Variants in KCNJ6 observed in about 807,000 individuals in gnomAD.
The protein encoded by KCNJ6 is G protein-activated inward rectifier potassium channel 2.
A neutral mutation model predicts 34.2 loss-of-function variants in KCNJ6; 9 were observed. That is an observed-to-expected ratio of 0.26 (90% CI 0.16 to 0.46). The LOEUF (loss-of-function observed/expected upper bound fraction) is 0.46. Ranked by LOEUF, KCNJ6 falls within the 20% of genes least tolerant of loss-of-function variation. The pLI is 1.00. For missense variants in KCNJ6, 236 were observed against 531.3 expected, an observed-to-expected ratio of 0.44 and a Z score of 5.46; for synonymous variants, 196 against 207.1, an observed-to-expected ratio of 0.95 and a Z score of 0.46.
At chr21:37,905,797 G>T (rs1261392993) in intron 1 of KCNJ6, among the ~76,000 whole-genome samples, 2 of 152,186 alleles carry the variant, frequency 1.3e-5, no homozygotes, top group African/African-American at 4.8e-5. Flanking sequence ...TCTTCTTTAG[G>T]TAGTAGGTAC....
chr21:37,776,359 C>T (rs1297208148), intron 2 of KCNJ6, among the ~76,000 whole-genome samples: 1 of 152,198 alleles, frequency 6.6e-6, no homozygotes, highest in African/African-American at 2.4e-5. Flanking sequence ...TGCCTGATTT[C>T]CCTGGCCAGA....
At chr21:37,657,965 T>G (rs755583856) in intron 3 of KCNJ6, among the ~76,000 whole-genome samples, 2 of 152,232 alleles carry the variant, frequency 1.3e-5, no homozygotes, top group Non-Finnish European at 2.9e-5. Flanking sequence ...ACCCAGGTTT[T>G]CCTTGCCTTG....
chr21:37,691,370 G>T (rs2054639007), intron 3 of KCNJ6, among the ~76,000 whole-genome samples: 1 of 152,158 alleles, frequency 6.6e-6, no homozygotes, highest in African/African-American at 2.4e-5. Context: ...GGGCTGTGAT[G>T]CTCCCAAATC....
chr21:37,808,113 T>G (rs1319760928), intron 2 of KCNJ6, among the ~76,000 whole-genome samples: 2 of 152,132 alleles, frequency 1.3e-5, no homozygotes, highest in African/African-American at 4.8e-5. Flanking sequence ...ATTAATTGCT[T>G]AAATTATTCT....
At chr21:37,913,798 A>C (rs1313379640) in intron 1 of KCNJ6, among the ~76,000 whole-genome samples, 1 of 152,184 alleles carries the variant, frequency 6.6e-6, no homozygotes, top group Non-Finnish European at 1.5e-5. Flanking sequence ...AGCCTGGGTG[A>C]CACAGCGAGA....
chr21:37,786,425 C>A (rs1210433913), intron 2 of KCNJ6, among the ~76,000 whole-genome samples: 1 of 152,152 alleles, frequency 6.6e-6, no homozygotes. Context: ...TTGGATATGC[C>A]ACCTACAAAT....
rs1267155249 is a variant in KCNJ6, at chr21:37,731,100, AGTGTGTGTG to A, written c.26-15978_26-15970del. 5.9e-5 allele frequency among the ~76,000 whole-genome samples: 8 copies of A among 134,784 alleles called. No individual in the cohort carries two copies. In the East Asian group the frequency reaches 1.3e-3, roughly 22 times the overall value. 88.4% of individuals were successfully genotyped at this position (134,784 alleles called of 152,430 possible). A position where few individuals can be genotyped will look rare whatever the true frequency, so the allele number is the denominator to read the frequency against. On this transcript the variant is annotated intron_variant, in intron 2 of 3. Transcript: ENST00000609713. ...TCTGCCATTGCAGATAGATGAGAGA[AGTGTGTGTG>A]TGTGTGTGTGTGTGTGTGTTTGTGT...
intron 1 of KCNJ6, among the ~76,000 whole-genome samples, chr21:37,882,066 G>C (rs2055711505): frequency 6.6e-6 from 1 of 152,194 alleles, no homozygotes; most frequent in Admixed American, 6.5e-5. Flanking sequence ...CCTTAAGGTT[G>C]TTACAAGTGG....
At chr21:37,647,056 G>GCCT (rs2054408619) in intron 3 of KCNJ6, among the ~76,000 whole-genome samples, 1 of 151,926 alleles carries the variant, frequency 6.6e-6, no homozygotes, top group African/African-American at 2.4e-5. Flanking sequence ...CGACGGGGAG[G>GCCT]GATGGAGCCC....
At chr21:37,733,616 AGG>A (rs2054897557) in intron 2 of KCNJ6, among the ~76,000 whole-genome samples, 1 of 152,188 alleles carries the variant, frequency 6.6e-6, no homozygotes, top group Non-Finnish European at 1.5e-5. Context: ...AGGGTTTTTT[AGG>A]ATAAAATAAG....
chr21:37,809,742 A>G (rs2055313102), intron 2 of KCNJ6, among the ~76,000 whole-genome samples: 1 of 152,124 alleles, frequency 6.6e-6, no homozygotes, highest in Non-Finnish European at 1.5e-5. Context: ...CCTCCCTTGT[A>G]GTAGGTAGAC....
chr21:37,797,426 A>G (rs915407909), intron 2 of KCNJ6, among the ~76,000 whole-genome samples: 3 of 152,200 alleles, frequency 2.0e-5, no homozygotes, highest in Non-Finnish European at 2.9e-5. Context: ...GGTAATTTTT[A>G]TGTAATCATG....
At chr21:37,858,154 G>A (rs976311492) in intron 1 of KCNJ6, among the ~76,000 whole-genome samples, 39 of 152,030 alleles carry the variant, frequency 2.6e-4, no homozygotes, top group Admixed American at 6.5e-5. Context: ...CACTTTGGGA[G>A]GCCGAAGAGG....
At chr21:37,760,470 T>G (rs1568838249) in intron 2 of KCNJ6, among the ~76,000 whole-genome samples, 1 of 152,118 alleles carries the variant, frequency 6.6e-6, no homozygotes, top group African/African-American at 2.4e-5. Flanking sequence ...ATTTTTCCTG[T>G]GAAGCCCCGA....
chr21:37,783,015 C>A lies in KCNJ6; in HGVS notation c.25+57643G>T, dbSNP rs1244325392. Among the ~76,000 whole-genome samples, 10 of 152,184 alleles carry A rather than the reference C, an allele frequency of 6.6e-5. 1 individual carries two copies. The highest frequency in any genetic ancestry group is 6.5e-4 in the Admixed American group (10 of 15,288). ...CTGCCACCCGGCCCACCTCTGAAAC[C>A]ACCTCCCTGAATTATGGGATGCCCA... is the stretch of plus-strand genomic sequence containing the variant. On this transcript the variant is annotated intron_variant, in intron 2 of 3. Coordinates refer to ENST00000609713, the MANE Select transcript of KCNJ6 (RefSeq NM_002240.5).
At chr21:37,771,875 A>G (rs1397998153) in intron 2 of KCNJ6, among the ~76,000 whole-genome samples, 1 of 152,200 alleles carries the variant, frequency 6.6e-6, no homozygotes, top group Non-Finnish European at 1.5e-5. Flanking sequence ...TCTTTATTTT[A>G]GGATTTTTCA....
chr21:37,626,917 G>A (rs1401705834), intron 3 of KCNJ6, among the ~76,000 whole-genome samples: 1 of 152,084 alleles, frequency 6.6e-6, no homozygotes, highest in Non-Finnish European at 1.5e-5. Context: ...GGCTTACAAA[G>A]GCAAGCTCAC....
At chr21:37,726,094 T>TG (rs1265792969) in intron 2 of KCNJ6, among the ~76,000 whole-genome samples, 1 of 152,038 alleles carries the variant, frequency 6.6e-6, no homozygotes, top group Non-Finnish European at 1.5e-5. Context: ...TTAGTAGAGA[T>TG]GGGGTTTCAC....
At chr21:37,793,944 A>G (rs983304849) in intron 2 of KCNJ6, among the ~76,000 whole-genome samples, 1 of 152,250 alleles carries the variant, frequency 6.6e-6, no homozygotes, top group African/African-American at 2.4e-5. Context: ...TAATGCATCT[A>G]TTTTAAAAAT....
Sources: gnomAD v4.1 joint callset for allele counts (sites outside exome capture counted in the v4.1 genomes callset) on GRCh38, gnomAD v4.1.1 for gene constraint, MANE v1.5 for transcripts, NCBI Gene and HGNC (gene_info 2026-07-23, HGNC 2026-07-21) for gene names.